The following FER variants were observed in gnomAD, a reference collection of about 807,000 sequenced individuals.
FER encodes the protein tyrosine-protein kinase Fer.
FER carries 63 observed loss-of-function variants against 111.0 expected under a neutral mutation model. The observed-to-expected ratio is 0.57, with a 90% CI of 0.46 to 0.70. The LOEUF (loss-of-function observed/expected upper bound fraction) is 0.70. Among genes scored for constraint, FER ranks in the 30% least tolerant of loss-of-function variants. The pLI, the probability that FER is intolerant of heterozygous loss-of-function variation, is 0.00. For missense variants in FER, 914 were observed against 954.0 expected, an observed-to-expected ratio of 0.96 and a Z score of 0.55; for synonymous variants, 327 against 313.9, an observed-to-expected ratio of 1.04 and a Z score of -0.44.
chr5:109,051,784 A>G lies in FER; in HGVS notation c.1924+4586A>G, dbSNP rs1004094731. 30 of 1,590,404 alleles carry G rather than the reference A, an allele frequency of 1.9e-5. 1 individual carries two copies. In the South Asian group the frequency reaches 2.7e-4, roughly 14 times the overall value. The stretch of plus-strand genomic sequence containing the variant: ...CTTGAAGAAAACGTAGAAGAGTTCA[A>G]TGATATTCAAGGCCAGGGACACCAA... On this transcript the variant is annotated intron_variant, in intron 16 of 19. Transcript: ENST00000281092.
intron 16 of FER, among the ~76,000 whole-genome samples, chr5:109,095,330 T>C (rs968251736): frequency 6.6e-6 from 1 of 152,066 alleles, no homozygotes; most frequent in Non-Finnish European, 1.5e-5. Context: ...GTATTTAATC[T>C]TCCTCATCTT....
At chr5:108,918,128 C>T (rs1169513187) in intron 10 of FER, among the ~76,000 whole-genome samples, 1 of 152,042 alleles carries the variant, frequency 6.6e-6, no homozygotes, top group Non-Finnish European at 1.5e-5. Context: ...TCTAAGCTTT[C>T]CAAAGGCCAA....
At chr5:109,064,475 C>T (rs1373521810) in intron 16 of FER, among the ~76,000 whole-genome samples, 4 of 152,108 alleles carry the variant, frequency 2.6e-5, no homozygotes, top group African/African-American at 9.7e-5. Flanking sequence ...ATATCTATAA[C>T]TATTACTCTG....
At chr5:108,926,148 C>T (rs1264005536) in intron 10 of FER, among the ~76,000 whole-genome samples, 3 of 150,804 alleles carry the variant, frequency 2.0e-5, no homozygotes, top group Admixed American at 6.6e-5. Flanking sequence ...TCTTAATTCT[C>T]TTAAATTTTA....
At chr5:109,048,667 T>C (rs1052351190) in intron 16 of FER, among the ~76,000 whole-genome samples, 2 of 152,126 alleles carry the variant, frequency 1.3e-5, no homozygotes, top group African/African-American at 4.8e-5. Context: ...AAATTGAAAA[T>C]ATAATAAAAG....
chr5:108,878,047 G>A (rs904674603), intron 8 of FER, among the ~76,000 whole-genome samples: 1 of 151,750 alleles, frequency 6.6e-6, no homozygotes, highest in Non-Finnish European at 1.5e-5. Context: ...TTGGAACTAC[G>A]GGTGTGCACC....
intron 17 of FER, among the ~76,000 whole-genome samples, chr5:109,166,995 A>G (rs1382534917): frequency 2.0e-5 from 3 of 152,130 alleles, no homozygotes; most frequent in African/African-American, 7.2e-5. Context: ...TTACGGCTTC[A>G]TTTTTCATAT....
At chr5:109,003,523 GAGTTTAT>G (rs1765091359) in intron 13 of FER, among the ~76,000 whole-genome samples, 2 of 152,008 alleles carry the variant, frequency 1.3e-5, no homozygotes, top group Non-Finnish European at 2.9e-5. Flanking sequence ...GCTAAATGAC[GAGTTTAT>G]GAGTGCAGCA....
chr5:109,135,440 T>C (rs1460570425), intron 17 of FER, among the ~76,000 whole-genome samples: 2 of 152,320 alleles, frequency 1.3e-5, no homozygotes, highest in South Asian at 2.1e-4. Context: ...CTTAATAGTG[T>C]GGGGCTTTTT....
At chr5:109,017,507 TCA>T (rs976668725) in intron 13 of FER, among the ~76,000 whole-genome samples, 4 of 151,958 alleles carry the variant, frequency 2.6e-5, no homozygotes, top group African/African-American at 9.7e-5. Context: ...TCTTGTATAT[TCA>T]CAGTCTTTCT....
intron 10 of FER, among the ~76,000 whole-genome samples, chr5:108,932,856 CTTT>C (rs202222050): frequency 3.6e-5 from 5 of 138,220 alleles, no homozygotes; most frequent in Non-Finnish European, 6.3e-5. Flanking sequence ...CCTTTGCCCA[CTTT>C]TTTTTTTTTT....
chr5:108,876,762 A>G (rs1245025646), intron 8 of FER, among the ~76,000 whole-genome samples: 1 of 152,180 alleles, frequency 6.6e-6, no homozygotes, highest in Non-Finnish European at 1.5e-5. Flanking sequence ...AAATTTTATT[A>G]AATATCTGCA....
At chr5:108,889,083 G>A (rs1185845428) in intron 9 of FER, among the ~76,000 whole-genome samples, 2 of 151,766 alleles carry the variant, frequency 1.3e-5, no homozygotes, top group Admixed American at 6.6e-5. Context: ...TTGGGTAGGC[G>A]CCCAAGACAT....
At chr5:109,020,259 T>G (rs1356183390) in intron 13 of FER, among the ~76,000 whole-genome samples, 1 of 151,946 alleles carries the variant, frequency 6.6e-6, no homozygotes, top group African/African-American at 2.4e-5. Context: ...AGATCAGCAT[T>G]TTTAGAATAA....
chr5:108,881,010 CAA>C (rs1765623183), intron 8 of FER, among the ~76,000 whole-genome samples: 1 of 152,014 alleles, frequency 6.6e-6, no homozygotes, highest in Admixed American at 6.6e-5. Flanking sequence ...GAGATTCAAA[CAA>C]TGATATATAT....
intron 10 of FER, among the ~76,000 whole-genome samples, chr5:108,932,874 G>GTTT (rs1754895875): frequency 6.8e-6 from 1 of 147,678 alleles, no homozygotes. Context: ...TTTTTTTGAT[G>GTTT]GGGTTGTTTG....
At chr5:109,185,586 A>T (rs1278620707) in intron 18 of FER, among the ~76,000 whole-genome samples, 3 of 152,190 alleles carry the variant, frequency 2.0e-5, no homozygotes, top group African/African-American at 4.8e-5. Context: ...TCTCATTCAG[A>T]TACCACAGAG....
chr5:108,936,139 G>A (rs1026056600), intron 10 of FER, among the ~76,000 whole-genome samples: 1 of 151,912 alleles, frequency 6.6e-6, no homozygotes, highest in African/African-American at 2.4e-5. Flanking sequence ...TCACAGTCCT[G>A]GCTCACACTA....
chr5:108,992,298 A>G (rs2149750303), intron 13 of FER, among the ~76,000 whole-genome samples: 1 of 152,336 alleles, frequency 6.6e-6, no homozygotes, highest in East Asian at 1.9e-4. Context: ...CACGGCAATC[A>G]TCCGATTTCT....
Sources: allele counts gnomAD v4.1 joint callset (sites outside exome capture counted in the v4.1 genomes callset), GRCh38; gene constraint gnomAD v4.1.1; transcripts MANE v1.5; gene names NCBI Gene and HGNC (gene_info 2026-07-23, HGNC 2026-07-21).